CPQ: variants seen among roughly 807,000 people sequenced by gnomAD.
The protein encoded by CPQ is carboxypeptidase Q.
Under a neutral mutation model 45.7 loss-of-function variants are expected in CPQ, and 37 were observed. The observed-to-expected ratio is 0.81, with a 90% CI of 0.62 to 1.07. The LOEUF is 1.07. Among genes scored for constraint, CPQ ranks in the 50% least tolerant of loss-of-function variants. The pLI is 0.00. For missense variants in CPQ, 537 were observed against 572.9 expected, an observed-to-expected ratio of 0.94 and a Z score of 0.64; for synonymous variants, 186 against 205.8, an observed-to-expected ratio of 0.90 and a Z score of 0.82.
At chr8:96,914,340 T>C (rs1318156204) in intron 4 of CPQ, among the ~76,000 whole-genome samples, 1 of 152,120 alleles carries the variant, frequency 6.6e-6, no homozygotes, top group African/African-American at 2.4e-5. Flanking sequence ...TTTTTAGCAA[T>C]GGAAGTAAGA....
chr8:96,970,602 C>T (rs1020139384), intron 5 of CPQ, among the ~76,000 whole-genome samples: 5 of 150,100 alleles, frequency 3.3e-5, no homozygotes, highest in African/African-American at 4.9e-5. Flanking sequence ...CTCGCTCTGT[C>T]GCCCAGGCTG....
intron 5 of CPQ, among the ~76,000 whole-genome samples, chr8:96,970,492 G>A (rs1392240017): frequency 1.3e-5 from 2 of 151,954 alleles, no homozygotes; most frequent in African/African-American, 4.8e-5. Flanking sequence ...GAAAAGCTAA[G>A]TACCTTGCCC....
intron 1 of CPQ, among the ~76,000 whole-genome samples, chr8:96,768,417 G>A (rs1455801158): frequency 6.6e-6 from 1 of 152,034 alleles, no homozygotes; most frequent in East Asian, 1.9e-4. Flanking sequence ...AGCAACAGAT[G>A]CTCTGTGTTC....
intron 5 of CPQ, among the ~76,000 whole-genome samples, chr8:96,974,754 C>T (rs1411135194): frequency 2.0e-5 from 3 of 152,048 alleles, no homozygotes; most frequent in African/African-American, 4.8e-5. Context: ...ATAATCTGTT[C>T]TTGAATGATC....
Position 96,819,503 on chromosome 8 carries a change from C to T in CPQ, c.434-15470C>T, listed in dbSNP as rs1811273552. On this transcript the variant is annotated intron_variant, in intron 2 of 7. Transcript: ENST00000220763. The stretch of plus-strand genomic sequence containing the variant: ...GGACTTTCAGGTGGATGCCTAATAA[C>T]TTTCCCTTGAAACTTTTGTAAAATT... Among the ~76,000 whole-genome samples, 3 of 152,018 alleles carry T rather than the reference C, an allele frequency of 2.0e-5. No homozygotes were observed. In the South Asian group the frequency reaches 6.2e-4, roughly 31 times the overall value.
At position 96,776,790 on chromosome 8, in the gene CPQ, T is replaced by C. The variant is rs1180233616; in HGVS notation, c.-34-8074T>C. 2.0e-5 allele frequency among the ~76,000 whole-genome samples: 3 copies of C among 152,182 alleles called. No homozygotes were observed. The East Asian group carries it at 5.8e-4, about 29-fold the overall frequency. On this transcript the variant is annotated intron_variant, in intron 1 of 7. Coordinates refer to ENST00000220763, the MANE Select transcript of CPQ (RefSeq NM_016134.4). ...GTAACTATGGATTGTGAAGACAATA[T>C]ATGAAAAGCAAATCTTTTTCAAACA...
intron 3 of CPQ, among the ~76,000 whole-genome samples, chr8:96,855,618 A>C (rs1433239816): frequency 6.6e-6 from 1 of 152,144 alleles, no homozygotes; most frequent in Non-Finnish European, 1.5e-5. Flanking sequence ...CATTCACGAA[A>C]ATGTATCAGG....
At chr8:96,692,312 A>T (rs1382270360) in intron 1 of CPQ, among the ~76,000 whole-genome samples, 1 of 151,842 alleles carries the variant, frequency 6.6e-6, no homozygotes, top group East Asian at 1.9e-4. Flanking sequence ...GTTCATAATA[A>T]TTATTGAACC....
chr8:96,833,293 G>T (rs1811483668), intron 2 of CPQ, among the ~76,000 whole-genome samples: 1 of 151,974 alleles, frequency 6.6e-6, no homozygotes, highest in African/African-American at 2.4e-5. Context: ...TCTCTTGTTT[G>T]TTAAAAACAA....
At chr8:96,942,231 C>T (rs1163188209) in intron 4 of CPQ, among the ~76,000 whole-genome samples, 1 of 152,108 alleles carries the variant, frequency 6.6e-6, no homozygotes, top group African/African-American at 2.4e-5. Flanking sequence ...GATATTTTAC[C>T]ATATCCCATT....
intron 3 of CPQ, among the ~76,000 whole-genome samples, chr8:96,873,317 C>CTT (rs534200003): frequency 6.8e-6 from 1 of 147,922 alleles, no homozygotes; most frequent in Admixed American, 6.8e-5. Context: ...TTTTCCTTCT[C>CTT]TTTTTTTTTT....
In CPQ at chr8:96,785,344, T is replaced by C; in HGVS notation, c.433+14T>C. On this transcript the variant is annotated intron_variant, in intron 2 of 7. Transcript: ENST00000220763. ...CTCCTCCAGAAGGTATTGTTTGTCT[T>C]TTCAGTTTGATTTGTATTTTATAAA... 15 of 1,563,072 alleles carry C rather than the reference T, an allele frequency of 9.6e-6. No homozygotes were observed. The highest frequency in any genetic ancestry group is 1.2e-5 in the Non-Finnish European group (14 of 1,154,148).
At chr8:97,016,972 C>G (rs75273747) in intron 5 of CPQ, among the ~76,000 whole-genome samples, 4,117 of 152,236 alleles carry the variant, frequency 0.027, 124 homozygotes, top group African/African-American at 0.076. Context: ...TTTTACTCAA[C>G]AATGACTGCA....
intron 5 of CPQ, among the ~76,000 whole-genome samples, chr8:96,976,956 A>G (rs1168317903): frequency 6.6e-6 from 1 of 152,196 alleles, no homozygotes; most frequent in East Asian, 1.9e-4. Flanking sequence ...CTTCATGACC[A>G]GGAACCCAAA....
intron 4 of CPQ, among the ~76,000 whole-genome samples, chr8:96,928,859 G>T (rs1481890849): frequency 1.3e-5 from 2 of 152,164 alleles, no homozygotes; most frequent in Non-Finnish European, 2.9e-5. Context: ...AATTTGTTTG[G>T]ATTCGGGTCT....
intron 3 of CPQ, among the ~76,000 whole-genome samples, chr8:96,870,655 A>G (rs181027938): frequency 1.3e-4 from 20 of 152,106 alleles, no homozygotes. Flanking sequence ...AGTCCTTCAC[A>G]GGGTTGTAAT....
At chr8:96,683,210 G>T (rs1051271257) in intron 1 of CPQ, among the ~76,000 whole-genome samples, 4 of 152,060 alleles carry the variant, frequency 2.6e-5, no homozygotes, top group African/African-American at 4.8e-5. Context: ...TGATCTAGTG[G>T]TGATGAATTC....
intron 1 of CPQ, among the ~76,000 whole-genome samples, chr8:96,689,048 T>G (rs898441865): frequency 1.3e-5 from 2 of 152,190 alleles, no homozygotes; most frequent in African/African-American, 4.8e-5. Context: ...GCTGTTTATC[T>G]TCTCAAATTT....
chr8:96,899,310 C>T (rs993826505), intron 4 of CPQ, among the ~76,000 whole-genome samples: 4 of 152,142 alleles, frequency 2.6e-5, no homozygotes, highest in African/African-American at 2.4e-5. Flanking sequence ...TATTATTTCA[C>T]GTTTGAGCAA....
Sources: allele counts gnomAD v4.1 joint callset (sites outside exome capture counted in the v4.1 genomes callset), GRCh38; gene constraint gnomAD v4.1.1; transcripts MANE v1.5; gene names NCBI Gene and HGNC (gene_info 2026-07-23, HGNC 2026-07-21).